Variants in CNTN6 observed in about 807,000 individuals in gnomAD.
CNTN6 encodes contactin-6.
CNTN6 carries 137 observed loss-of-function variants against 122.8 expected under a neutral mutation model. The ratio of observed to expected loss-of-function variants is 1.12; its 90% confidence interval spans 0.97 to 1.29. The LOEUF (loss-of-function observed/expected upper bound fraction) is 1.29. Among genes scored for constraint, CNTN6 ranks in the 50% most tolerant of loss-of-function variants. CNTN6 has a pLI of 0.00. For synonymous variants in CNTN6, 570 were observed against 426.0 expected, an observed-to-expected ratio of 1.34 and a Z score of -4.16; for missense variants, 1,634 against 1,223.4, an observed-to-expected ratio of 1.34 and a Z score of -5.01.
At chr3:1,389,914 T>A (rs1693844108) in intron 20 of CNTN6, among the ~76,000 whole-genome samples, 2 of 151,012 alleles carry the variant, frequency 1.3e-5, no homozygotes, top group Non-Finnish European at 3.0e-5. Flanking sequence ...ATAAAGCAAG[T>A]CCTGAGTGAC....
chr3:1,102,645 G>C (rs991396563), intron 1 of CNTN6, among the ~76,000 whole-genome samples: 2 of 149,876 alleles, frequency 1.3e-5, no homozygotes, highest in Non-Finnish European at 3.0e-5. Flanking sequence ...GGAGAATGGC[G>C]GGAACCCGGG....
chr3:1,385,273 C>CTGAT (rs1692696822), intron 19 of CNTN6, among the ~76,000 whole-genome samples: 1 of 151,958 alleles, frequency 6.6e-6, no homozygotes, highest in African/African-American at 2.4e-5. Context: ...AAGTCTTTGA[C>CTGAT]TGATTATATA....
intron 1 of CNTN6, among the ~76,000 whole-genome samples, chr3:1,146,483 A>G (rs2125163891): frequency 6.6e-6 from 1 of 152,222 alleles, no homozygotes; most frequent in East Asian, 1.9e-4. Flanking sequence ...AGAGCTACTC[A>G]TATTTCAAGC....
At chr3:1,202,285 A>C (rs913858535) in intron 2 of CNTN6, among the ~76,000 whole-genome samples, 32 of 152,240 alleles carry the variant, frequency 2.1e-4, no homozygotes, top group Non-Finnish European at 3.2e-4. Context: ...TCACGCCTGT[A>C]ATCCCAGCAC....
rs1575840198 is a variant in CNTN6, at chr3:1,357,017, A to G, written c.1492+4566A>G. 2.6e-5 allele frequency among the ~76,000 whole-genome samples: 4 copies of G among 152,002 alleles called. No homozygotes were observed. The South Asian group carries it at 8.3e-4, about 32-fold the overall frequency. On this transcript the variant is annotated intron_variant, in intron 12 of 22. Coordinates refer to ENST00000446702, the MANE Select transcript of CNTN6 (RefSeq NM_001289080.2). ...GGTCTTCATGAAAATTTAGTTCACA[A>G]TCTTTTTTAAAATGCAGCATATGTC...
At chr3:1,108,631 G>A (rs993025214) in intron 1 of CNTN6, among the ~76,000 whole-genome samples, 8 of 152,028 alleles carry the variant, frequency 5.3e-5, no homozygotes, top group African/African-American at 1.9e-4. Context: ...TACATGTTTG[G>A]TGTAAAAAGT....
Position 1,372,354 on chromosome 3 carries a change from T to C in CNTN6, c.1548T>C (p.Ser516=). ...AAATGGATGTTACAGTTGGCGAGAGTATAGTGCTACCATGCCAGGTGTCCC... is the reference window on the plus strand; with the variant it reads ...AAATGGATGTTACAGTTGGCGAGAGCATAGTGCTACCATGCCAGGTGTCCC... ...PSKMDVTVGE[S]IVLPCQVSHD... Residue 516 remains serine, a synonymous_variant, in exon 13 of 23, where the codon AGT becomes AGC. Transcript: ENST00000446702. The C allele has an allele frequency of 3.1e-6, 5 of 1,613,322 alleles. No individual in the cohort carries two copies. Among genetic ancestry groups the C allele is most frequent in the Middle Eastern group, 1.7e-4 (1 of 6,060 alleles).
In CNTN6 at chr3:1,385,626, G is replaced by A. The variant is rs770133917; in HGVS notation, c.2533G>A (p.Asp845Asn). ...VLGYEVLYWT[D>N]DSKESMIGKI... ...TAATTATCAGGTCTTATACTGGACA[G>A]ATGACTCCAAAGAATCCATGATAGG... The change falls in exon 20 of 23, where the codon GAT (aspartate) becomes AAT (asparagine). Residue 845 changes from aspartate (D) to asparagine (N), a missense_variant. By Grantham distance (23) the Asp-to-Asn change is conservative (BLOSUM62 1). Transcript: ENST00000446702. 1.2e-6 allele frequency: 2 copies of A among 1,613,752 alleles called. No homozygotes were observed. The highest frequency in any genetic ancestry group is 1.7e-6 in the Non-Finnish European group (2 of 1,179,772).
intron 22 of CNTN6, 64 bp downstream of exon 22, chr3:1,402,550 CT>C: frequency 7.3e-7 from 1 of 1,370,694 alleles, no homozygotes; most frequent in African/African-American, 1.4e-5. Flanking sequence ...TGAAATTCAG[CT>C]CCATGAAACC....
intron 17 of CNTN6, among the ~76,000 whole-genome samples, chr3:1,377,765 A>C (rs1202171407): frequency 6.6e-6 from 1 of 152,010 alleles, no homozygotes. Flanking sequence ...TTCCCCATTC[A>C]CAGTGTTACC....
chr3:1,165,675 A>G (rs1241824081), intron 2 of CNTN6, among the ~76,000 whole-genome samples: 1 of 152,028 alleles, frequency 6.6e-6, no homozygotes, highest in Non-Finnish European at 1.5e-5. Context: ...CTAGTTCTTT[A>G]TCTATATTAC....
intron 4 of CNTN6, among the ~76,000 whole-genome samples, chr3:1,230,555 CT>C (rs2125562775): frequency 6.6e-6 from 1 of 152,258 alleles, no homozygotes; most frequent in African/African-American, 2.4e-5. Flanking sequence ...GTTTCTTGTT[CT>C]TTTCTTTTCA....
intron 8 of CNTN6, among the ~76,000 whole-genome samples, chr3:1,322,334 C>G (rs1325428060): frequency 1.3e-5 from 2 of 151,640 alleles, no homozygotes; most frequent in Non-Finnish European, 2.9e-5. Context: ...ATGTTTGTCT[C>G]AGTTACAAAA....
chr3:1,147,418 A>G (rs2092746414), intron 1 of CNTN6, among the ~76,000 whole-genome samples: 1 of 152,136 alleles, frequency 6.6e-6, no homozygotes, highest in African/African-American at 2.4e-5. Context: ...CAGAACATGG[A>G]CATAGATAAG....
intron 12 of CNTN6, among the ~76,000 whole-genome samples, chr3:1,355,306 T>G (rs536924169): frequency 5.9e-5 from 9 of 151,832 alleles, no homozygotes; most frequent in Non-Finnish European, 1.2e-4. Flanking sequence ...AAAGTTGCTT[T>G]ATTATTTATC....
chr3:1,376,276 T>G lies in CNTN6; in HGVS notation c.2096-729T>G, dbSNP rs565703152. On this transcript the variant is annotated intron_variant, in intron 16 of 22. Transcript: ENST00000446702. The stretch of plus-strand genomic sequence containing the variant: ...CCTCAGTTTTACAGTTTCTATGATC[T>G]ATTATTCATTGTGTTAGTCCTTACA... Among the ~76,000 whole-genome samples the G allele has an allele frequency of 7.6e-4, 116 of 152,254 alleles. 1 individual carries two copies. Among genetic ancestry groups the G allele is most frequent in the Non-Finnish European group, 1.5e-5 (1 of 68,008 alleles).
intron 1 of CNTN6, among the ~76,000 whole-genome samples, chr3:1,102,671 T>G (rs6790082): frequency 0.079 from 11,727 of 148,652 alleles, 1,490 homozygotes; most frequent in African/African-American, 0.27. Flanking sequence ...GAGCTTGCAG[T>G]GAGCAGAGAT....
chr3:1,174,176 C>G (rs1219072689), intron 2 of CNTN6, among the ~76,000 whole-genome samples: 4 of 152,184 alleles, frequency 2.6e-5, no homozygotes, highest in Non-Finnish European at 5.9e-5. Context: ...AGGCATTTCT[C>G]TGGTACCCAC....
intron 1 of CNTN6, among the ~76,000 whole-genome samples, chr3:1,096,474 T>A (rs2124921118): frequency 6.6e-6 from 1 of 152,354 alleles, no homozygotes; most frequent in East Asian, 1.9e-4. Flanking sequence ...ATTTTGTACA[T>A]GTTGTATCTC....
Sources: gnomAD v4.1 joint callset for allele counts (sites outside exome capture counted in the v4.1 genomes callset) on GRCh38, gnomAD v4.1.1 for gene constraint, MANE v1.5 for transcripts, NCBI Gene and HGNC (gene_info 2026-07-23, HGNC 2026-07-21) for gene names.